Variants in SCFD2 observed in about 807,000 individuals in gnomAD.
SCFD2 encodes sec1 family domain containing 2, also known as sec1 family domain-containing protein 2.
Under a neutral mutation model 58.9 loss-of-function variants are expected in SCFD2, and 54 were observed. The ratio of observed to expected loss-of-function variants is 0.92; its 90% CI spans 0.74 to 1.15. The LOEUF (loss-of-function observed/expected upper bound fraction) is 1.15, where lower values mean the gene tolerates loss of function less well. Among genes scored for constraint, SCFD2 ranks in the 50% most tolerant of loss-of-function variants. The pLI, the probability that SCFD2 is intolerant of heterozygous loss-of-function variation, is 0.00. For missense variants in SCFD2, 805 were observed against 836.6 expected, an observed-to-expected ratio of 0.96 and a Z score of 0.47; for synonymous variants, 321 against 335.9, an observed-to-expected ratio of 0.96 and a Z score of 0.49.
At chr4:52,905,969 C>T (rs765638841) in intron 7 of SCFD2, among the ~76,000 whole-genome samples, 8 of 152,196 alleles carry the variant, frequency 5.3e-5, no homozygotes, top group Non-Finnish European at 1.0e-4. Context: ...ATTAAAGGCA[C>T]TGTGATGTTG....
chr4:53,354,722 T>C (rs572138736), intron 1 of SCFD2, among the ~76,000 whole-genome samples: 2 of 152,328 alleles, frequency 1.3e-5, no homozygotes, highest in East Asian at 1.9e-4. Context: ...GTCAGGTAAA[T>C]AGTGTCATAA....
intron 5 of SCFD2, chr4:52,956,441 G>A (rs568319576): frequency 2.8e-6 from 1 of 360,390 alleles, no homozygotes; most frequent in South Asian, 2.1e-5. Flanking sequence ...GCTGAGGGAA[G>A]GGCAGGTGGC....
chr4:53,000,227 G>A (rs184806941), intron 5 of SCFD2, among the ~76,000 whole-genome samples: 82 of 152,302 alleles, frequency 5.4e-4, no homozygotes, highest in African/African-American at 1.8e-3. Context: ...GAAAAGCCTC[G>A]TACCTGGAAC....
Position 53,177,998 on chromosome 4 carries a change from C to G in SCFD2, c.1312-32416G>C, listed in dbSNP as rs146223016. Reference sequence around the variant, plus strand: ...CGGGTTAGTTGTTTGATTAGGTAAACAAAGTGGATGGGAAGCTAGAAATGG... The same window carrying G: ...CGGGTTAGTTGTTTGATTAGGTAAAGAAAGTGGATGGGAAGCTAGAAATGG... On this transcript the variant is annotated intron_variant, in intron 4 of 8. Transcript: ENST00000401642. 3.6e-4 allele frequency among the ~76,000 whole-genome samples: 55 copies of G among 152,294 alleles called. No homozygotes were observed. The East Asian group carries it at 0.01, about 29-fold the overall frequency.
intron 4 of SCFD2, among the ~76,000 whole-genome samples, chr4:53,147,026 G>A (rs554290445): frequency 8.5e-5 from 13 of 152,252 alleles, no homozygotes; most frequent in African/African-American, 2.2e-4. Flanking sequence ...AAAATAAAGC[G>A]GGAAAGGAAA....
intron 5 of SCFD2, chr4:52,950,931 T>C (rs980591843): frequency 6.6e-6 from 1 of 152,180 alleles, no homozygotes; most frequent in African/African-American, 2.4e-5. Context: ...AAAAAGGTGA[T>C]GGGGGACCTG....
chr4:53,189,614 C>T (rs965908583), intron 4 of SCFD2, among the ~76,000 whole-genome samples: 6 of 152,166 alleles, frequency 3.9e-5, no homozygotes, highest in African/African-American at 1.4e-4. Flanking sequence ...GGACCCCACC[C>T]TCATGACCTC....
In SCFD2 at chr4:52,912,622, G is replaced by A. The variant is rs148257283; in HGVS notation, c.1708-5031C>T. Among the ~76,000 whole-genome samples the A allele has an allele frequency of 7.1e-3, 1,087 of 152,222 alleles. 17 individuals carry two copies. The highest frequency in any genetic ancestry group is 0.025 in the African/African-American group (1,026 of 41,528). On this transcript the variant is annotated intron_variant, in intron 6 of 8. Coordinates refer to ENST00000401642, the MANE Select transcript of SCFD2 (RefSeq NM_152540.4). ...ATTTGGTAAAGACTTTCTCAGGCACGAAACAGTACTTGTGCCTTCTTAATA... is the reference window on the plus strand; with the variant it reads ...ATTTGGTAAAGACTTTCTCAGGCACAAAACAGTACTTGTGCCTTCTTAATA...
At chr4:53,325,933 CA>C (rs995702068) in intron 2 of SCFD2, among the ~76,000 whole-genome samples, 12 of 152,096 alleles carry the variant, frequency 7.9e-5, no homozygotes, top group African/African-American at 2.9e-4. Context: ...AACACCAAGA[CA>C]TGGAAAAGTA....
At chr4:53,335,822 C>G (rs915100522) in intron 2 of SCFD2, among the ~76,000 whole-genome samples, 1 of 152,114 alleles carries the variant, frequency 6.6e-6, no homozygotes, top group Non-Finnish European at 1.5e-5. Context: ...GGAAATACTA[C>G]TCTAAGTAAA....
Position 53,207,514 on chromosome 4 carries a change from A to ACACACACACATAAT in SCFD2, c.1312-61933_1312-61932insATTATGTGTGTGTG, listed in dbSNP as rs1728451091. Among the ~76,000 whole-genome samples the ACACACACACATAAT allele has an allele frequency of 9.0e-5, 4 of 44,524 alleles. 1 individual carries two copies. Among genetic ancestry groups the ACACACACACATAAT allele is most frequent in the African/African-American group, 2.2e-4 (2 of 9,210 alleles). 29.2% of individuals were successfully genotyped at this position (44,524 alleles called of 152,430 possible). A position where few individuals can be genotyped will look rare whatever the true frequency, so the allele number is the denominator to read the frequency against. On this transcript the variant is annotated intron_variant, in intron 4 of 8. Coordinates refer to ENST00000401642, the MANE Select transcript of SCFD2 (RefSeq NM_152540.4). ...TATTTCATATATATATATTATATAT[A>ACACACACACATAAT]TTATATATATAATATTTATATATTA...
At chr4:53,362,010 A>G (rs758752749) in intron 1 of SCFD2, among the ~76,000 whole-genome samples, 1 of 152,128 alleles carries the variant, frequency 6.6e-6, no homozygotes, top group Non-Finnish European at 1.5e-5. Flanking sequence ...AGTAAACAAA[A>G]CAGAGTCCCT....
At chr4:52,958,710 G>T (rs1377249291) in intron 5 of SCFD2, among the ~76,000 whole-genome samples, 2 of 152,168 alleles carry the variant, frequency 1.3e-5, no homozygotes, top group East Asian at 3.9e-4. Flanking sequence ...GGGAGGAAAC[G>T]TGTGGCTAGA....
In SCFD2 at chr4:52,996,046, T is replaced by G. The variant is rs192430776; in HGVS notation, c.1562-75176A>C. On this transcript the variant is annotated intron_variant, in intron 5 of 8. Transcript: ENST00000401642. ...ATTAAACAAATGACTGAAATCTTGG[T>G]ACTGCCTTTTGAGTCACTTTCTTCC... Among the ~76,000 whole-genome samples, 12 of 152,360 alleles carry G rather than the reference T, an allele frequency of 7.9e-5. No homozygotes were observed. In the East Asian group the frequency reaches 2.3e-3, roughly 29 times the overall value.
intron 2 of SCFD2, among the ~76,000 whole-genome samples, chr4:53,328,937 C>T (rs1337353680): frequency 2.6e-5 from 4 of 152,342 alleles, no homozygotes; most frequent in Admixed American, 6.5e-5. Context: ...ACTTGGGAAG[C>T]GCAAGGGGTC....
At chr4:53,092,484 A>C (rs1028813228) in intron 5 of SCFD2, among the ~76,000 whole-genome samples, 2 of 152,110 alleles carry the variant, frequency 1.3e-5, no homozygotes, top group Admixed American at 1.3e-4. Flanking sequence ...CCACAAAAAC[A>C]TGTACATGAA....
chr4:53,177,978 T>C (rs1388583556), intron 4 of SCFD2, among the ~76,000 whole-genome samples: 2 of 152,112 alleles, frequency 1.3e-5, no homozygotes, highest in South Asian at 2.1e-4. Flanking sequence ...ATTTTCGGGT[T>C]AGTTGTTTGA....
At chr4:53,092,189 T>C (rs1389325860) in intron 5 of SCFD2, among the ~76,000 whole-genome samples, 1 of 152,174 alleles carries the variant, frequency 6.6e-6, no homozygotes, top group East Asian at 1.9e-4. Flanking sequence ...GAAGCATATA[T>C]ACAGGACAAA....
At chr4:53,294,635 T>G (rs144650930) in intron 3 of SCFD2, among the ~76,000 whole-genome samples, 7 of 152,348 alleles carry the variant, frequency 4.6e-5, no homozygotes, top group African/African-American at 1.7e-4. Context: ...CAGAAGCTCT[T>G]TAGTCTAATT....
Sources: allele counts gnomAD v4.1 joint callset (sites outside exome capture counted in the v4.1 genomes callset), GRCh38; gene constraint gnomAD v4.1.1; transcripts MANE v1.5; gene names NCBI Gene and HGNC (gene_info 2026-07-23, HGNC 2026-07-21).